The following CDH18 variants were observed in gnomAD, a reference collection of about 807,000 sequenced individuals.
The protein encoded by CDH18 is cadherin 18, also known as cadherin-18.
Under a neutral mutation model 67.9 loss-of-function variants are expected in CDH18, and 31 were observed. The ratio of observed to expected loss-of-function variants is 0.46; its 90% CI spans 0.34 to 0.62. The LOEUF is 0.62. Ranked by LOEUF, CDH18 falls within the 20% of genes least tolerant of loss-of-function variation. CDH18 has a pLI of 0.01. For missense variants in CDH18, 890 were observed against 975.5 expected (o/e 0.91, Z 1.17); for synonymous variants, 362 against 347.2 (o/e 1.04, Z -0.48).
intron 2 of CDH18, among the ~76,000 whole-genome samples, chr5:20,124,196 A>AT (rs762156220): frequency 3.3e-5 from 5 of 152,068 alleles, no homozygotes; most frequent in Non-Finnish European, 7.4e-5. Flanking sequence ...AAGAAGAAAC[A>AT]TTTTTGTTTT....
intron 2 of CDH18, among the ~76,000 whole-genome samples, chr5:19,872,422 G>T (rs1581731739): frequency 1.3e-5 from 2 of 152,276 alleles, no homozygotes. Flanking sequence ...TGAATCAGTT[G>T]ACTGAGGCAA....
rs188638221 is a variant in CDH18, at chr5:20,358,699, G to A, written c.-579-103194C>T. On this transcript the variant is annotated intron_variant, in intron 1 of 14. Transcript: ENST00000507958. ...GTGCAAGATGGCAAACAACCTAAAT[G>A]CCCTGAGCATACTGTTTATTTAAAA... Among the ~76,000 whole-genome samples, 5 of 152,128 alleles carry A rather than the reference G, an allele frequency of 3.3e-5. No individual in the cohort carries two copies. The East Asian group carries it at 9.7e-4, about 29-fold the overall frequency.
At chr5:19,969,337 T>G (rs1342666909) in intron 2 of CDH18, among the ~76,000 whole-genome samples, 1 of 143,084 alleles carries the variant, frequency 7.0e-6, no homozygotes, top group Non-Finnish European at 1.5e-5. Flanking sequence ...AGCCATCCCA[T>G]TACTGGTTAT....
chr5:19,638,086 C>G (rs999445051), intron 5 of CDH18, among the ~76,000 whole-genome samples: 9 of 152,088 alleles, frequency 5.9e-5, no homozygotes, highest in African/African-American at 1.9e-4. Flanking sequence ...CGTTTGTTAA[C>G]AAAACCCAAA....
At chr5:19,866,968 T>C (rs1785615610) in intron 2 of CDH18, among the ~76,000 whole-genome samples, 1 of 152,072 alleles carries the variant, frequency 6.6e-6, no homozygotes, top group African/African-American at 2.4e-5. Flanking sequence ...TGGGCACCTG[T>C]AATCCCAGCT....
intron 8 of CDH18, among the ~76,000 whole-genome samples, chr5:19,559,969 C>G (rs1470329441): frequency 6.9e-6 from 1 of 144,248 alleles, no homozygotes; most frequent in Admixed American, 6.8e-5. Context: ...AGAAGAAAAA[C>G]CTCTACAAGG....
At chr5:20,198,113 T>C (rs1739135824) in intron 2 of CDH18, among the ~76,000 whole-genome samples, 1 of 152,168 alleles carries the variant, frequency 6.6e-6, no homozygotes, top group Non-Finnish European at 1.5e-5. Flanking sequence ...AATTGAGTAA[T>C]TTCTTCAGAG....
At chr5:19,956,364 G>T (rs1796259127) in intron 2 of CDH18, among the ~76,000 whole-genome samples, 1 of 151,764 alleles carries the variant, frequency 6.6e-6, no homozygotes, top group South Asian at 2.1e-4. Flanking sequence ...TTTGTGGGAG[G>T]AAAATCAAAA....
intron 2 of CDH18, among the ~76,000 whole-genome samples, chr5:19,846,025 A>C (rs1782905253): frequency 6.6e-6 from 1 of 151,956 alleles, no homozygotes; most frequent in South Asian, 2.1e-4. Flanking sequence ...AGAGGGAAGA[A>C]ATTTCTATTG....
intron 1 of CDH18, among the ~76,000 whole-genome samples, chr5:20,452,615 G>A (rs1043756086): frequency 2.0e-5 from 3 of 152,096 alleles, no homozygotes; most frequent in Non-Finnish European, 2.9e-5. Flanking sequence ...TGAGGGTGGA[G>A]GGTGGCAGGA....
chr5:19,575,863 A>C (rs948281177), intron 7 of CDH18, among the ~76,000 whole-genome samples: 3 of 152,146 alleles, frequency 2.0e-5, no homozygotes, highest in Non-Finnish European at 2.9e-5. Flanking sequence ...CTGCCCCAGA[A>C]GAAAGATACC....
In CDH18 at chr5:19,690,459, A is replaced by T. The variant is rs899382485; in HGVS notation, c.643+30888T>A. Among the ~76,000 whole-genome samples, 34 of 151,808 alleles carry T rather than the reference A, an allele frequency of 2.2e-4. No individual in the cohort carries two copies. In the South Asian group the frequency reaches 6.2e-3, roughly 28 times the overall value. On this transcript the variant is annotated intron_variant, in intron 5 of 12. Transcript: ENST00000382275. ...ATAGAAATAATAAAGACCAGAGAAG[A>T]ATGAAATGTAATAGAGACAAAATAA...
At chr5:20,461,099 C>T (rs888548522) in intron 1 of CDH18, among the ~76,000 whole-genome samples, 1 of 152,138 alleles carries the variant, frequency 6.6e-6, no homozygotes, top group Admixed American at 6.5e-5. Flanking sequence ...CCCTGACCTC[C>T]TCTGAGTTTT....
In CDH18 at chr5:19,520,665, G is replaced by A; in HGVS notation, c.1504C>T (p.Pro502Ser). The A allele has an allele frequency of 6.2e-7, 1 of 1,610,150 alleles. No individual in the cohort carries two copies. The highest frequency in any genetic ancestry group is 1.1e-5 in the South Asian group (1 of 90,246). The part of the protein sequence containing the change: ...YDIIVCENSK[P>S]GQVIHTISAT... ...GGAAACAATTAACTTACCTGGCCAGGCTTAGAATTTTCACATACAATAATA... is the reference window on the plus strand; with the variant it reads ...GGAAACAATTAACTTACCTGGCCAGACTTAGAATTTTCACATACAATAATA... The change falls in exon 10 of 13, where the codon CCT becomes TCT. Residue 502 changes from proline (P) to serine (S), a missense_variant. Transcript: ENST00000382275.
intron 2 of CDH18, among the ~76,000 whole-genome samples, chr5:20,239,267 C>A (rs1474803669): frequency 2.6e-5 from 4 of 152,112 alleles, no homozygotes; most frequent in Middle Eastern, 6.8e-3. Flanking sequence ...CCAGCCTGGG[C>A]AACACGATGA....
chr5:20,012,421 AT>A lies in CDH18; in HGVS notation c.-517-20408del, dbSNP rs990985727. ...AGCTCCTGGATTTGTTGATCTTTGA[AT>A]TTTTTTGTGTCTCTGTCTCCTTCAG... On this transcript the variant is annotated intron_variant, in intron 2 of 14. Coordinates refer to the CDH18 transcript ENST00000507958. Among the ~76,000 whole-genome samples the A allele has an allele frequency of 8.0e-5, 12 of 150,344 alleles. No homozygotes were observed. In the Admixed American group the frequency reaches 8.0e-4, roughly 10 times the overall value.
At chr5:20,440,256 G>A (rs1453249011) in intron 1 of CDH18, among the ~76,000 whole-genome samples, 1 of 151,762 alleles carries the variant, frequency 6.6e-6, no homozygotes, top group African/African-American at 2.4e-5. Context: ...TTGAAACTTC[G>A]GAGAAAGGCA....
intron 9 of CDH18, among the ~76,000 whole-genome samples, 178 bp downstream of exon 9, chr5:19,543,691 A>G (rs1277147744): frequency 6.6e-6 from 1 of 152,140 alleles, no homozygotes; most frequent in African/African-American, 2.4e-5. Context: ...AGTAAGGAGG[A>G]AGGCATAAGA....
At chr5:20,561,316 CAAT>C (rs1178778036) in intron 1 of CDH18, among the ~76,000 whole-genome samples, 1 of 151,976 alleles carries the variant, frequency 6.6e-6, no homozygotes, top group Non-Finnish European at 1.5e-5. Flanking sequence ...ATGTTTATAG[CAAT>C]ATTATTCATA....
Sources: allele counts gnomAD v4.1 joint callset (sites outside exome capture counted in the v4.1 genomes callset), GRCh38; gene constraint gnomAD v4.1.1; transcripts MANE v1.5; gene names NCBI Gene and HGNC (gene_info 2026-07-23, HGNC 2026-07-21).